Variants in ENTPD1 observed in about 807,000 individuals in gnomAD.
ENTPD1 encodes ectonucleoside triphosphate diphosphohydrolase 1.
In ENTPD1, 33 loss-of-function variants were observed where a neutral mutation model predicts 57.0. The observed-to-expected ratio is 0.58, with a 90% CI of 0.44 to 0.77. The LOEUF is 0.77. ENTPD1 is among the 30% of genes least tolerant of loss of function. The pLI is 0.00. For synonymous variants in ENTPD1, 202 were observed against 218.8 expected (o/e 0.92, Z 0.68); for missense variants, 501 against 603.4 (o/e 0.83, Z 1.78).
intron 1 of ENTPD1, among the ~76,000 whole-genome samples, chr10:95,799,166 AG>A (rs1220498018): frequency 1.3e-5 from 2 of 152,214 alleles, no homozygotes; most frequent in East Asian, 3.8e-4. Context: ...TTTTAAGCTC[AG>A]GGGTACATGT....
intron 1 of ENTPD1, among the ~76,000 whole-genome samples, chr10:95,788,317 G>T (rs2098188762): frequency 6.6e-6 from 1 of 151,972 alleles, no homozygotes; most frequent in South Asian, 2.1e-4. Context: ...AAAGAATATG[G>T]CTTTAAAAGA....
chr10:95,838,765 T>G (rs546945771), intron 2 of ENTPD1, among the ~76,000 whole-genome samples: 24 of 152,254 alleles, frequency 1.6e-4, no homozygotes, highest in African/African-American at 5.5e-4. Context: ...TTTGCACACT[T>G]TACTGTAGCT....
chr10:95,868,302 A>C lies in ENTPD1; in HGVS notation c.*1919A>C. ...TGCACTTAAAACTCCACATGAATAC[A>C]AGGTTCATGGGACTTGGTATTCATA... On this transcript the variant is annotated 3_prime_UTR_variant, in exon 10 of 10. Coordinates refer to ENST00000371205, the MANE Select transcript of ENTPD1 (RefSeq NM_001776.6). The C allele has an allele frequency of 1.0e-6, 1 of 985,436 alleles. No individual in the cohort carries two copies. The highest frequency in any genetic ancestry group is 1.2e-6 in the Non-Finnish European group (1 of 829,936). 61.0% of individuals were successfully genotyped at this position (985,436 alleles called of 1,614,324 possible).
rs145935210 is a variant in ENTPD1 at position 95,817,603 on chromosome 10, T to A, written c.17-5634T>A. 2.8e-3 allele frequency among the ~76,000 whole-genome samples: 423 copies of A among 152,296 alleles called. 9 individuals are homozygous for A. The East Asian group carries it at 0.029, about 10-fold the overall frequency. ...TGATCCTCTGACCAGTTCCTACTAC[T>A]CTCCCCTCAGGGCCTTTCTGTGTAC... On this transcript the variant is annotated intron_variant, in intron 1 of 9. Coordinates refer to ENST00000371205, the MANE Select transcript of ENTPD1 (RefSeq NM_001776.6).
At chr10:95,864,160 C>G (rs938878965) in intron 8 of ENTPD1, among the ~76,000 whole-genome samples, 1 of 152,204 alleles carries the variant, frequency 6.6e-6, no homozygotes, top group African/African-American at 2.4e-5. Flanking sequence ...GCTAGCAGTC[C>G]TCAGCAAAAT....
rs11393527 is a variant in ENTPD1, at chr10:95,846,988, C to CAAA, written c.814-449_814-447dup. Among the ~76,000 whole-genome samples the CAAA allele has an allele frequency of 6.1e-5, 9 of 148,128 alleles. No homozygotes were observed. In the East Asian group the frequency reaches 1.8e-3, roughly 30 times the overall value. ...TGGGCGACAGAGCAAGACTCCATCT[C>CAAA]AAAAAAAAAAATTATTTTTCTTGGA... On this transcript the variant is annotated intron_variant, in intron 6 of 9. Coordinates refer to ENST00000371205, the MANE Select transcript of ENTPD1 (RefSeq NM_001776.6).
the ENTPD1 span, among the ~76,000 whole-genome samples, chr10:95,705,553 G>A: frequency 2.1e-4 from 32 of 152,170 alleles, no homozygotes; most frequent in South Asian, 3.7e-3. Context: ...GTGCAATGGC[G>A]TGAACTCGGC....
chr10:95,774,811 T>C (rs1202273448), intron 1 of ENTPD1, among the ~76,000 whole-genome samples: 1 of 152,200 alleles, frequency 6.6e-6, no homozygotes, highest in Non-Finnish European at 1.5e-5. Flanking sequence ...CTTGGCAATG[T>C]GGGCTCTTTT....
chr10:95,813,806 C>T (rs769542225), intron 1 of ENTPD1, among the ~76,000 whole-genome samples: 5 of 152,060 alleles, frequency 3.3e-5, no homozygotes, highest in Admixed American at 6.5e-5. Context: ...AAAAATAAGG[C>T]GGTATAAATG....
At chr10:95,853,581 C>T (rs1341299929) in intron 7 of ENTPD1, among the ~76,000 whole-genome samples, 2 of 152,048 alleles carry the variant, frequency 1.3e-5, no homozygotes, top group Non-Finnish European at 2.9e-5. Context: ...TCATAGATAG[C>T]TCTTATTATT....
intron 7 of ENTPD1, among the ~76,000 whole-genome samples, chr10:95,858,030 C>G (rs1162362237): frequency 6.6e-6 from 1 of 151,896 alleles, no homozygotes; most frequent in Non-Finnish European, 1.5e-5. Flanking sequence ...TGGTGGCAGG[C>G]GCCTGTAATC....
rs377288207 is a variant in ENTPD1 at position 95,876,940 on chromosome 10, A to G, written c.*10557A>G. ...GGTGGGCAGAATCATTATGTGATGC[A>G]ACATGGCAAAAGTATACAGACAGTG... On this transcript the variant is annotated 3_prime_UTR_variant, in exon 10 of 10. Transcript: ENST00000371205. Among the ~76,000 whole-genome samples, 1 of 152,240 alleles carries G rather than the reference A, an allele frequency of 6.6e-6. No homozygotes were observed. The highest frequency in any genetic ancestry group is 1.9e-4 in the East Asian group (1 of 5,202).
intron 1 of ENTPD1, among the ~76,000 whole-genome samples, chr10:95,786,263 G>A (rs2098179327): frequency 6.6e-6 from 1 of 152,112 alleles, no homozygotes; most frequent in Non-Finnish European, 1.5e-5. Context: ...TTGGTGAGAA[G>A]GACCACACAG....
intron 1 of ENTPD1, among the ~76,000 whole-genome samples, chr10:95,712,347 A>G (rs576705994): frequency 2.1e-4 from 32 of 152,230 alleles, no homozygotes; most frequent in African/African-American, 7.5e-4. Context: ...CTGTGTCTAT[A>G]AACTTTGCTG....
chr10:95,739,007 TTACATTATATTA>T (rs1268972962), intron 1 of ENTPD1, among the ~76,000 whole-genome samples: 14 of 152,346 alleles, frequency 9.2e-5, no homozygotes, highest in African/African-American at 3.1e-4. Flanking sequence ...AAAATTATGT[TTACATTATATTA>T]TACATTATAT....
chr10:95,823,506 A>C, intron 2 of ENTPD1, 142 bp downstream of exon 2: 1 of 1,295,076 alleles, frequency 7.7e-7, no homozygotes, highest in Non-Finnish European at 1.1e-6. Context: ...CCACTGGATT[A>C]GGGGAGTAAA....
Position 95,726,320 on chromosome 10 carries a change from A to T in ENTPD1, c.37+14327A>T, listed in dbSNP as rs541890787. Among the ~76,000 whole-genome samples, 8 of 152,362 alleles carry T rather than the reference A, an allele frequency of 5.3e-5. No homozygotes were observed. In the South Asian group the frequency reaches 1.7e-3, roughly 32 times the overall value. ...GCTTCTTTCATCAAATATAATTTTA[A>T]AAACTAAAGAGAAGGAAAGCTTTTT... On this transcript the variant is annotated intron_variant, in intron 1 of 9. Coordinates refer to the ENTPD1 transcript ENST00000453258.
chr10:95,713,765 C>A (rs2097968439), intron 1 of ENTPD1, among the ~76,000 whole-genome samples: 1 of 152,196 alleles, frequency 6.6e-6, no homozygotes, highest in Non-Finnish European at 1.5e-5. Context: ...ATATCCACTG[C>A]AGCTGGAGTG....
intron 1 of ENTPD1, among the ~76,000 whole-genome samples, chr10:95,728,419 G>A (rs2097985909): frequency 6.6e-6 from 1 of 152,160 alleles, no homozygotes; most frequent in African/African-American, 2.4e-5. Flanking sequence ...TTTAAAAGGT[G>A]AATTGTCCAT....
Sources: allele counts gnomAD v4.1 joint callset (sites outside exome capture counted in the v4.1 genomes callset), GRCh38; gene constraint gnomAD v4.1.1; transcripts MANE v1.5; gene names NCBI Gene and HGNC (gene_info 2026-07-23, HGNC 2026-07-21).